Variants in PFDN1 observed in about 807,000 individuals in gnomAD.
PFDN1 encodes prefoldin 1.
PFDN1 carries 6 observed loss-of-function variants against 17.3 expected under a neutral mutation model. That is an observed-to-expected ratio of 0.35 (90% CI 0.19 to 0.69). The LOEUF (loss-of-function observed/expected upper bound fraction) is 0.69. Among genes scored for constraint, PFDN1 ranks in the 30% least tolerant of loss-of-function variants. The pLI is 0.65. For missense variants in PFDN1, 113 were observed against 146.2 expected, an observed-to-expected ratio of 0.77 and a Z score of 1.17; for synonymous variants, 58 against 50.1, an observed-to-expected ratio of 1.16 and a Z score of -0.67.
intron 3 of PFDN1, among the ~76,000 whole-genome samples, chr5:140,280,014 C>CAAAAAAAAAAAAAAAAAAAAAA (rs5871731): frequency 5.0e-5 from 5 of 99,130 alleles, no homozygotes; most frequent in Admixed American, 2.1e-4. Context: ...AAAAAAAAAA[C>CAAAAAAAAAAAAAAAAAAAAAA]AAAAAAAGAA....
Position 140,254,527 on chromosome 5 carries a change from T to C in PFDN1, c.286-8470A>G, listed in dbSNP as rs1764959717. Among the ~76,000 whole-genome samples the C allele has an allele frequency of 6.6e-6, 1 of 152,124 alleles. No individual in the cohort carries two copies. Among genetic ancestry groups the C allele is most frequent in the East Asian group, 1.9e-4 (1 of 5,192 alleles). Reference sequence around the variant, plus strand: ...CTATCCGTCATCATCAGTGGCTCCCTGTCTCCCTCTCCACCACAGCTGTAC... The same window carrying C: ...CTATCCGTCATCATCAGTGGCTCCCCGTCTCCCTCTCCACCACAGCTGTAC... On this transcript the variant is annotated intron_variant, in intron 3 of 3. Coordinates refer to ENST00000261813, the MANE Select transcript of PFDN1 (RefSeq NM_002622.5). This position sits in a 1 kb window ranked among gnomAD's most constrained non-coding sequence, Gnocchi z 4.4.
At chr5:140,265,731 G>A (rs1765125717) in intron 3 of PFDN1, 2 of 152,218 alleles carry the variant, frequency 1.3e-5, no homozygotes, top group Non-Finnish European at 2.9e-5. Context: ...TCTGCAGCAG[G>A]ACGATCCCTC....
At chr5:140,279,995 C>CAAAAAAAAAAA (rs772575762) in intron 3 of PFDN1, among the ~76,000 whole-genome samples, 64 of 31,108 alleles carry the variant, frequency 2.1e-3, no homozygotes, top group South Asian at 3.4e-3. Flanking sequence ...AACTCCGTCT[C>CAAAAAAAAAAA]AAAAAAAAAA....
At chr5:140,285,551 C>T (rs1421126343) in intron 2 of PFDN1, among the ~76,000 whole-genome samples, 1 of 151,922 alleles carries the variant, frequency 6.6e-6, no homozygotes, top group African/African-American at 2.4e-5. Flanking sequence ...AACTTTATGG[C>T]ACATCCACAT....
intron 3 of PFDN1, among the ~76,000 whole-genome samples, chr5:140,265,313 C>T (rs920851767): frequency 1.3e-5 from 2 of 152,104 alleles, no homozygotes; most frequent in Non-Finnish European, 2.9e-5. Flanking sequence ...TATTTGGACT[C>T]AAAATGGACG....
At chr5:140,260,390 A>T (rs1214277218) in intron 3 of PFDN1, among the ~76,000 whole-genome samples, 12 of 43,174 alleles carry the variant, frequency 2.8e-4, no homozygotes, top group Non-Finnish European at 5.0e-5. Context: ...AAAACTTGTA[A>T]ATGTTCATAG....
intron 3 of PFDN1, among the ~76,000 whole-genome samples, chr5:140,265,357 C>T (rs1420125164): frequency 1.3e-5 from 2 of 152,094 alleles, no homozygotes; most frequent in Non-Finnish European, 2.9e-5. Context: ...CTACAGTGAC[C>T]CAGGGCTCAG....
chr5:140,276,491 A>T (rs868572780), intron 3 of PFDN1, among the ~76,000 whole-genome samples: 3 of 152,166 alleles, frequency 2.0e-5, no homozygotes, highest in African/African-American at 7.2e-5. Flanking sequence ...CCAAAGACTG[A>T]GAGTATTGGC....
chr5:140,302,348 C>A (rs1412686303), intron 1 of PFDN1, among the ~76,000 whole-genome samples: 1 of 152,218 alleles, frequency 6.6e-6, no homozygotes, highest in Admixed American at 6.5e-5. Flanking sequence ...TAGCAAAAAT[C>A]TGAATAACAA....
At chr5:140,290,597 A>T (rs1765565435) in intron 2 of PFDN1, among the ~76,000 whole-genome samples, 1 of 152,202 alleles carries the variant, frequency 6.6e-6, no homozygotes, top group South Asian at 2.1e-4. Flanking sequence ...AAAGTTCTAA[A>T]ACAGAAAAAA....
chr5:140,263,295 A>G (rs909191097), intron 3 of PFDN1, among the ~76,000 whole-genome samples: 10 of 152,232 alleles, frequency 6.6e-5, no homozygotes, highest in Admixed American at 5.2e-4. Flanking sequence ...TGGTTGTCCC[A>G]CACTTATAGA....
chr5:140,276,813 A>G (rs1475994063), intron 3 of PFDN1, among the ~76,000 whole-genome samples: 6 of 145,774 alleles, frequency 4.1e-5, no homozygotes, highest in Admixed American at 1.4e-4. Context: ...AAAGACTGAG[A>G]GTATTTTTGC....
chr5:140,303,067 C>T lies in PFDN1; in HGVS notation c.7G>A (p.Ala3Thr), dbSNP rs1314085918. The change falls in exon 1 of 4, where the codon GCC (alanine) becomes ACC (threonine). Residue 3 changes from alanine to threonine, a missense_variant. By Grantham distance (58) the Ala-to-Thr change is moderately conservative. Transcript: ENST00000261813. The stretch of plus-strand genomic sequence containing the variant: ...TTCTTCAGCTCTAGATCCACGGGGG[C>T]GGCCATCTTGGTGCACTGTAAGCGC... MA[A>T]PVDLELKKAF... The T allele has an allele frequency of 1.9e-6, 3 of 1,612,386 alleles. No individual in the cohort carries two copies. Among genetic ancestry groups the T allele is most frequent in the Non-Finnish European group, 2.5e-6 (3 of 1,178,476 alleles).
At chr5:140,260,985 A>T (rs1450835886) in intron 3 of PFDN1, among the ~76,000 whole-genome samples, 1 of 151,836 alleles carries the variant, frequency 6.6e-6, no homozygotes, top group Non-Finnish European at 1.5e-5. Context: ...AACATGGTGA[A>T]ACCCCGTCTC....
chr5:140,252,944 C>T (rs894286148), intron 3 of PFDN1, among the ~76,000 whole-genome samples: 2 of 152,182 alleles, frequency 1.3e-5, no homozygotes, highest in African/African-American at 4.8e-5. Flanking sequence ...AGAGACAGGT[C>T]TAAGCGGTCC....
At chr5:140,275,469 AT>A (rs1765276904) in intron 3 of PFDN1, among the ~76,000 whole-genome samples, 1 of 151,880 alleles carries the variant, frequency 6.6e-6, no homozygotes, top group African/African-American at 2.4e-5. Flanking sequence ...ATGACTCCCT[AT>A]CAAGATTAAC....
At chr5:140,257,161 T>C (rs2126680369) in intron 3 of PFDN1, among the ~76,000 whole-genome samples, 1 of 150,076 alleles carries the variant, frequency 6.7e-6, no homozygotes, top group African/African-American at 2.5e-5. Flanking sequence ...AGGTGGAGGT[T>C]GCAGTGAGCC....
intron 3 of PFDN1, 85 bp downstream of exon 3, chr5:140,281,364 G>T: frequency 1.5e-6 from 1 of 667,014 alleles, no homozygotes; most frequent in Non-Finnish European, 2.7e-6. Context: ...ACTTTGGCAG[G>T]CAGGCATACA....
At chr5:140,296,804 A>G (rs1449054612) in intron 2 of PFDN1, among the ~76,000 whole-genome samples, 1 of 152,230 alleles carries the variant, frequency 6.6e-6, no homozygotes, top group Non-Finnish European at 1.5e-5. Flanking sequence ...TCTTCTCAAC[A>G]TATAACACAA....
Sources: gnomAD v4.1 joint callset for allele counts (sites outside exome capture counted in the v4.1 genomes callset) on GRCh38, gnomAD v4.1.1 for gene constraint, Gnocchi (gnomAD v3.1) non-coding constraint, MANE v1.5 for transcripts, NCBI Gene and HGNC (gene_info 2026-07-23, HGNC 2026-07-21) for gene names.